PPFIBP1: variants seen among roughly 807,000 people sequenced by gnomAD.
PPFIBP1 encodes the protein PPFIB scaffold protein 1.
In PPFIBP1, 112 loss-of-function variants were observed where a neutral mutation model predicts 137.8. The observed-to-expected ratio is 0.81, with a 90% CI of 0.70 to 0.95. The LOEUF (loss-of-function observed/expected upper bound fraction) is 0.95. Ranked by LOEUF, PPFIBP1 falls within the 40% of genes least tolerant of loss-of-function variation. PPFIBP1 has a pLI of 0.00. For synonymous variants in PPFIBP1, 378 were observed against 417.3 expected (o/e 0.91, Z 1.15); for missense variants, 1,083 against 1,196.6 (o/e 0.91, Z 1.40).
intron 1 of PPFIBP1, among the ~76,000 whole-genome samples, chr12:27,570,087 G>A (rs1371325998): frequency 1.3e-5 from 2 of 152,024 alleles, no homozygotes; most frequent in Non-Finnish European, 2.9e-5. Flanking sequence ...GTGTGTTTTG[G>A]TATATGTAAA....
intron 11 of PPFIBP1, among the ~76,000 whole-genome samples, chr12:27,663,255 T>C (rs2059659009): frequency 6.6e-6 from 1 of 152,100 alleles, no homozygotes; most frequent in Non-Finnish European, 1.5e-5. Context: ...TTTGCTGATA[T>C]CTCTTTGGCC....
intron 2 of PPFIBP1, chr12:27,592,790 G>A: frequency 4.2e-6 from 3 of 716,614 alleles, no homozygotes; most frequent in Non-Finnish European, 7.3e-6. Flanking sequence ...GCGTAACCAT[G>A]ACAGCAGCCA....
At position 27,654,781 on chromosome 12, in the gene PPFIBP1, A is replaced by T; in HGVS notation, c.663A>T (p.Arg221Ser). The T allele has an allele frequency of 6.2e-7, 1 of 1,612,360 alleles. No individual in the cohort carries two copies. Among genetic ancestry groups the T allele is most frequent in the Non-Finnish European group, 8.5e-7 (1 of 1,179,578 alleles). ...AAGTTAGTGAAATGGACAGTGAGAG[A>T]CTTCAGTATGAAAAAAAGCTTAAAT... ...RLKVSEMDSE[R>S]LQYEKKLKST... Residue 221 changes from arginine to serine, a missense_variant, in exon 8 of 30, where the codon AGA (arginine) becomes AGT (serine). By Grantham distance (110) the Arg-to-Ser change is moderately radical (BLOSUM62 -1). Coordinates refer to ENST00000228425, the MANE Select transcript of PPFIBP1 (RefSeq NM_003622.4).
Position 27,672,443 on chromosome 12 carries a change from C to G in PPFIBP1, c.1279C>G (p.Leu427Val). The change falls in exon 15 of 30, where the codon CTT becomes GTT. Residue 427 changes from leucine (L) to valine (V), a missense_variant. Coordinates refer to ENST00000228425, the MANE Select transcript of PPFIBP1 (RefSeq NM_003622.4). ...SFEENDGNII[L>V]GATVDTQLCD... is the part of the protein sequence containing the mutation. Reference sequence around the variant, plus strand: ...ACATTTTAGTGATGGAAACATAATCCTTGGTGCCACTGTTGATACCCAACT... The same window carrying G: ...ACATTTTAGTGATGGAAACATAATCGTTGGTGCCACTGTTGATACCCAACT... 1.2e-6 allele frequency: 2 copies of G among 1,608,190 alleles called. No homozygotes were observed. The highest frequency in any genetic ancestry group is 1.7e-6 in the Non-Finnish European group (2 of 1,175,450).
At chr12:27,573,244 AC>A (rs1357554255) in intron 1 of PPFIBP1, among the ~76,000 whole-genome samples, 4 of 152,234 alleles carry the variant, frequency 2.6e-5, no homozygotes, top group African/African-American at 9.6e-5. Flanking sequence ...TAAACAGTGA[AC>A]ATTAATACAT....
chr12:27,583,880 G>A (rs2051398289), intron 2 of PPFIBP1, among the ~76,000 whole-genome samples: 1 of 152,150 alleles, frequency 6.6e-6, no homozygotes, highest in African/African-American at 2.4e-5. Context: ...TGGCCCCACT[G>A]AATTCACAGA....
At chr12:27,665,773 A>C (rs543115548) in intron 12 of PPFIBP1, among the ~76,000 whole-genome samples, 1 of 152,290 alleles carries the variant, frequency 6.6e-6, no homozygotes, top group Admixed American at 6.5e-5. Flanking sequence ...ACAGAGAAGG[A>C]AAATCCTGCT....
chr12:27,553,601 G>T (rs1057215041), intron 1 of PPFIBP1, among the ~76,000 whole-genome samples: 2 of 152,180 alleles, frequency 1.3e-5, no homozygotes, highest in African/African-American at 2.4e-5. Context: ...AGCAATTCTT[G>T]TCTACAAAGT....
rs369760099 is a variant in PPFIBP1 at position 27,524,517 on chromosome 12, G to A, written c.-124+152G>A. On this transcript the variant is annotated intron_variant, in intron 1 of 29. Coordinates refer to ENST00000228425, the MANE Select transcript of PPFIBP1 (RefSeq NM_003622.4). ...CAATGGGAACGGGCACTTTTTGGGG[G>A]TGGTGGGGGTGGAGGGGTAGGGCTT... Among the ~76,000 whole-genome samples the A allele has an allele frequency of 2.0e-5, 3 of 151,458 alleles. No homozygotes were observed. The East Asian group carries it at 5.8e-4, about 29-fold the overall frequency.
At chr12:27,526,387 A>G (rs73306317) in intron 1 of PPFIBP1, among the ~76,000 whole-genome samples, 1,739 of 152,332 alleles carry the variant, frequency 0.011, 28 homozygotes, top group African/African-American at 0.039. Flanking sequence ...ATTTAAACCA[A>G]TATTTCTCTT....
At chr12:27,575,824 C>T (rs947427825) in intron 1 of PPFIBP1, among the ~76,000 whole-genome samples, 20 of 151,992 alleles carry the variant, frequency 1.3e-4, no homozygotes, top group Admixed American at 8.5e-4. Flanking sequence ...AGATTTTTTG[C>T]GAGTGGCTAT....
intron 8 of PPFIBP1, chr12:27,655,073 T>C: frequency 1.7e-6 from 2 of 1,209,936 alleles, no homozygotes; most frequent in Non-Finnish European, 2.3e-6. Flanking sequence ...AAACTGATAC[T>C]GTTTTCTCGG....
At chr12:27,578,914 G>A (rs1307929003) in intron 2 of PPFIBP1, among the ~76,000 whole-genome samples, 2 of 152,346 alleles carry the variant, frequency 1.3e-5, no homozygotes, top group Admixed American at 6.5e-5. Context: ...AGAGAGGTAA[G>A]GAGCGTGCTG....
intron 1 of PPFIBP1, among the ~76,000 whole-genome samples, chr12:27,533,971 T>A (rs368223237): frequency 6.6e-6 from 1 of 152,290 alleles, no homozygotes; most frequent in South Asian, 2.1e-4. Flanking sequence ...GGTCCTGCTG[T>A]CAGGTCAGTT....
chr12:27,613,469 C>G (rs2055380061), intron 2 of PPFIBP1, among the ~76,000 whole-genome samples: 1 of 152,004 alleles, frequency 6.6e-6, no homozygotes, highest in African/African-American at 2.4e-5. Context: ...TTTGGGAGAC[C>G]AAGGCAGTGG....
chr12:27,537,679 G>C (rs952560014), intron 1 of PPFIBP1, among the ~76,000 whole-genome samples: 7 of 152,006 alleles, frequency 4.6e-5, no homozygotes, highest in African/African-American at 1.4e-4. Context: ...TTCACCTATT[G>C]AAATTCAGAT....
chr12:27,655,192 A>G, intron 8 of PPFIBP1: 1 of 1,535,968 alleles, frequency 6.5e-7, no homozygotes, highest in Non-Finnish European at 8.7e-7. Context: ...GGTCAGATGC[A>G]GTATGAAAAG....
At chr12:27,593,398 A>T (rs897789223) in intron 2 of PPFIBP1, 8 of 454,322 alleles carry the variant, frequency 1.8e-5, no homozygotes, top group African/African-American at 8.0e-5. Flanking sequence ...CTCTGTGCTC[A>T]CCTCAGCCAG....
intron 1 of PPFIBP1, among the ~76,000 whole-genome samples, chr12:27,566,112 C>T (rs1287095236): frequency 1.3e-5 from 2 of 151,712 alleles, no homozygotes; most frequent in African/African-American, 4.8e-5. Flanking sequence ...TTTTTGGTTC[C>T]CTATACCATG....
Sources: allele counts gnomAD v4.1 joint callset (sites outside exome capture counted in the v4.1 genomes callset), GRCh38; gene constraint gnomAD v4.1.1; transcripts MANE v1.5; gene names NCBI Gene and HGNC (gene_info 2026-07-23, HGNC 2026-07-21).